ANKS1B: variants seen among roughly 807,000 people sequenced by gnomAD.
ANKS1B encodes the protein ankyrin repeat and sterile alpha motif domain containing 1B.
Under a neutral mutation model 148.3 loss-of-function variants are expected in ANKS1B, and 36 were observed. That is an observed-to-expected ratio of 0.24 (90% confidence interval 0.19 to 0.32). ANKS1B has a LOEUF of 0.32. Ranked by LOEUF, ANKS1B falls within the 10% of genes least tolerant of loss-of-function variation. ANKS1B has a pLI of 1.00. For synonymous variants in ANKS1B, 542 were observed against 560.8 expected (o/e 0.97, Z 0.47); for missense variants, 1,157 against 1,542.6 (o/e 0.75, Z 4.19).
intron 12 of ANKS1B, among the ~76,000 whole-genome samples, chr12:99,335,848 T>C (rs955412875): frequency 2.0e-5 from 3 of 152,152 alleles, no homozygotes; most frequent in African/African-American, 4.8e-5. Flanking sequence ...CTCTTCAATA[T>C]ACTAATTTCC....
intron 14 of ANKS1B, among the ~76,000 whole-genome samples, chr12:99,217,237 C>T (rs549992076): frequency 6.6e-6 from 1 of 152,142 alleles, no homozygotes; most frequent in African/African-American, 2.4e-5. Flanking sequence ...TCATTCACTC[C>T]TCCCCCTGAA....
intron 19 of ANKS1B, among the ~76,000 whole-genome samples, chr12:98,814,615 G>C (rs192431105): frequency 2.6e-5 from 4 of 152,138 alleles, no homozygotes; most frequent in Non-Finnish European, 5.9e-5. Context: ...GCATACCTAG[G>C]TGTCAAAAGG....
At chr12:98,857,065 GCA>G (rs1471705467) in intron 17 of ANKS1B, among the ~76,000 whole-genome samples, 6 of 146,008 alleles carry the variant, frequency 4.1e-5, no homozygotes, top group African/African-American at 1.5e-4. Context: ...CATAACCCCT[GCA>G]CACAGTGAGT....
At chr12:98,873,275 T>C (rs1188519615) in intron 17 of ANKS1B, among the ~76,000 whole-genome samples, 1 of 152,192 alleles carries the variant, frequency 6.6e-6, no homozygotes, top group Non-Finnish European at 1.5e-5. Context: ...AGTTTCCAGG[T>C]CAACCTCCTG....
chr12:99,957,815 A>G (rs2095346405), intron 1 of ANKS1B, among the ~76,000 whole-genome samples: 1 of 152,220 alleles, frequency 6.6e-6, no homozygotes, highest in Admixed American at 6.5e-5. Context: ...ATACAATCCA[A>G]ATCATGTCCC....
In ANKS1B at chr12:99,632,727, C is replaced by CTAGA. The variant is rs1419756181; in HGVS notation, c.1272+22339_1272+22340insTCTA. ...TTTGGCCTGTGTCTTCCTTTTCTTT[C>CTAGA]TATATATATATATATATATATATAT... On this transcript the variant is annotated intron_variant, in intron 9 of 26. Transcript: ENST00000683438. Among the ~76,000 whole-genome samples the CTAGA allele has an allele frequency of 5.9e-4, 23 of 39,044 alleles. 1 individual carries two copies. In the East Asian group the frequency reaches 0.012, roughly 21 times the overall value. The allele number at this position is 39,044 out of a possible 152,430, so 25.6% of individuals were successfully genotyped here. A position where few individuals can be genotyped will look rare whatever the true frequency, so the allele number is the denominator to read the frequency against.
chr12:99,960,725 G>A (rs757985810), intron 1 of ANKS1B, among the ~76,000 whole-genome samples: 14 of 152,078 alleles, frequency 9.2e-5, no homozygotes, highest in Non-Finnish European at 1.6e-4. Flanking sequence ...TGGGTTCCTC[G>A]CTAATCTAAA....
chr12:99,486,116 C>T (rs976059095), intron 10 of ANKS1B, among the ~76,000 whole-genome samples: 1 of 152,088 alleles, frequency 6.6e-6, no homozygotes, highest in African/African-American at 2.4e-5. Flanking sequence ...GTCATATTAC[C>T]AGAGTTACCT....
At chr12:98,951,407 G>A (rs188324765) in intron 17 of ANKS1B, among the ~76,000 whole-genome samples, 42 of 152,224 alleles carry the variant, frequency 2.8e-4, no homozygotes, top group Admixed American at 2.0e-3. Context: ...ATTCATCCAC[G>A]TCACCAATAT....
intron 11 of ANKS1B, among the ~76,000 whole-genome samples, chr12:99,403,068 TC>T (rs2094446526): frequency 6.9e-6 from 1 of 144,786 alleles, no homozygotes; most frequent in East Asian, 1.9e-4. Flanking sequence ...ACTCTAATGA[TC>T]AATGATGTAG....
intron 15 of ANKS1B, among the ~76,000 whole-genome samples, chr12:99,153,627 A>C (rs1221961645): frequency 6.6e-6 from 1 of 152,220 alleles, no homozygotes; most frequent in Admixed American, 6.5e-5. Context: ...TCAGAAGTAC[A>C]TGACTATACT....
At chr12:99,220,925 A>G (rs2085024106) in intron 14 of ANKS1B, among the ~76,000 whole-genome samples, 1 of 152,212 alleles carries the variant, frequency 6.6e-6, no homozygotes, top group Admixed American at 6.5e-5. Flanking sequence ...TACTAGAAGA[A>G]ATTATAATAA....
At chr12:99,686,476 T>C (rs2098650020) in intron 8 of ANKS1B, among the ~76,000 whole-genome samples, 1 of 152,206 alleles carries the variant, frequency 6.6e-6, no homozygotes, top group Non-Finnish European at 1.5e-5. Context: ...CAGAGCTCTC[T>C]GAACCTCTTC....
chr12:99,340,875 A>T (rs1476132697), intron 12 of ANKS1B, among the ~76,000 whole-genome samples: 1 of 152,140 alleles, frequency 6.6e-6, no homozygotes, highest in African/African-American at 2.4e-5. Context: ...TAAAATACAG[A>T]TAAGCATAAA....
At chr12:99,597,648 T>C (rs1413230322) in intron 9 of ANKS1B, among the ~76,000 whole-genome samples, 1 of 152,112 alleles carries the variant, frequency 6.6e-6, no homozygotes, top group Admixed American at 6.6e-5. Context: ...ACTTTTCTGA[T>C]GATGATTTTT....
At chr12:98,800,801 G>A (rs1441467122) in intron 21 of ANKS1B, among the ~76,000 whole-genome samples, 196 bp downstream of exon 21, 3 of 151,618 alleles carry the variant, frequency 2.0e-5, no homozygotes, top group East Asian at 3.9e-4. Context: ...AGATTAAAAC[G>A]GTTTTAAAGC....
At chr12:98,833,226 G>A (rs1361849074) in intron 17 of ANKS1B, among the ~76,000 whole-genome samples, 1 of 152,158 alleles carries the variant, frequency 6.6e-6, no homozygotes, top group Non-Finnish European at 1.5e-5. Context: ...GACAGATGAA[G>A]AAACTGTGGT....
chr12:99,031,021 A>T (rs936909463), intron 17 of ANKS1B, among the ~76,000 whole-genome samples: 1 of 152,346 alleles, frequency 6.6e-6, no homozygotes, highest in South Asian at 2.1e-4. Flanking sequence ...ATTGGTCACA[A>T]CTTGAACTAT....
chr12:98,960,239 G>A (rs1568028177), intron 17 of ANKS1B, among the ~76,000 whole-genome samples: 1 of 152,164 alleles, frequency 6.6e-6, no homozygotes, highest in Non-Finnish European at 1.5e-5. Flanking sequence ...TGGCCACAAG[G>A]GTGCTTGTGT....
Sources: gnomAD v4.1 joint callset for allele counts (sites outside exome capture counted in the v4.1 genomes callset) on GRCh38, gnomAD v4.1.1 for gene constraint, MANE v1.5 for transcripts, NCBI Gene and HGNC (gene_info 2026-07-23, HGNC 2026-07-21) for gene names.